SIN3A: variants seen among roughly 807,000 people sequenced by gnomAD.
SIN3A encodes the protein SIN3 transcription regulator family member A, also known as paired amphipathic helix protein Sin3a.
SIN3A carries 14 observed loss-of-function variants against 146.1 expected under a neutral mutation model. That is an observed-to-expected ratio of 0.10 (90% CI 0.06 to 0.15). The LOEUF (loss-of-function observed/expected upper bound fraction) is 0.15. Among genes scored for constraint, SIN3A ranks in the 10% least tolerant of loss-of-function variants. The pLI is 1.00. For synonymous variants in SIN3A, 572 were observed against 572.0 expected (o/e 1.00, Z 0.00); for missense variants, 1,028 against 1,576.0 (o/e 0.65, Z 5.89).
chr15:75,405,301 G>A (rs560516001), intron 9 of SIN3A, among the ~76,000 whole-genome samples: 2 of 151,470 alleles, frequency 1.3e-5, no homozygotes, highest in Admixed American at 1.3e-4. Flanking sequence ...AGGAGATGGA[G>A]GTTGCACTGA....
At chr15:75,372,616 G>C (rs899627617) in intron 20 of SIN3A, among the ~76,000 whole-genome samples, 3 of 152,062 alleles carry the variant, frequency 2.0e-5, no homozygotes, top group Non-Finnish European at 4.4e-5. Context: ...GAGCTCAGGA[G>C]TTTGAGACCA....
At chr15:75,433,223 T>C (rs891382061) in intron 1 of SIN3A, among the ~76,000 whole-genome samples, 4 of 152,154 alleles carry the variant, frequency 2.6e-5, no homozygotes, top group East Asian at 1.9e-4. Flanking sequence ...CCAAACTCTA[T>C]CTACCATGAA....
chr15:75,432,685 CAAAA>C (rs71440236), intron 1 of SIN3A, among the ~76,000 whole-genome samples: 1 of 84,886 alleles, frequency 1.2e-5, no homozygotes, highest in Non-Finnish European at 2.3e-5. Context: ...GACTCTGTCT[CAAAA>C]AAAAAAAAAA....
At position 75,424,128 on chromosome 15, in the gene SIN3A, G is replaced by A. The variant is rs556308989; in HGVS notation, c.190-1305C>T. On this transcript the variant is annotated intron_variant, in intron 2 of 20. Transcript: ENST00000394947. ...CCAATAAAAATAAATTACTATGAAA[G>A]TGAAATAAAAAATACATAAACCCGC... Among the ~76,000 whole-genome samples the A allele has an allele frequency of 1.1e-4, 17 of 152,106 alleles. No homozygotes were observed. In the East Asian group the frequency reaches 2.9e-3, roughly 26 times the overall value.
intron 2 of SIN3A, among the ~76,000 whole-genome samples, chr15:75,425,343 G>T (rs1204462415): frequency 6.6e-6 from 1 of 152,090 alleles, no homozygotes; most frequent in South Asian, 2.1e-4. Flanking sequence ...GCTAATTTTT[G>T]TATTTTTAGT....
Position 75,385,158 on chromosome 15 carries a change from G to T in SIN3A, c.3022-721C>A, listed in dbSNP as rs565277293. On this transcript the variant is annotated intron_variant, in intron 16 of 20. Coordinates refer to ENST00000394947, the MANE Select transcript of SIN3A (RefSeq NM_001145358.2). ...ACTGCAAAGCTCACCGTGAGCTGGG[G>T]TGAGGAAGGGAGCCTTGGAGAATCA... Among the ~76,000 whole-genome samples the T allele has an allele frequency of 3.9e-5, 6 of 152,302 alleles. No individual in the cohort carries two copies. In the South Asian group the frequency reaches 1.2e-3, roughly 32 times the overall value.
chr15:75,390,359 G>C (rs1253594050), intron 15 of SIN3A, among the ~76,000 whole-genome samples: 1 of 152,220 alleles, frequency 6.6e-6, no homozygotes, highest in African/African-American at 2.4e-5. Flanking sequence ...ATCTGCATTT[G>C]TCAAAGTCCT....
intron 19 of SIN3A, 105 bp downstream of exon 19, chr15:75,380,524 C>G (rs1288609193): frequency 1.2e-6 from 1 of 855,120 alleles, no homozygotes; most frequent in African/African-American, 1.7e-5. Flanking sequence ...GCAGATAGAA[C>G]AAATGAATAA....
intron 1 of SIN3A, among the ~76,000 whole-genome samples, chr15:75,438,134 G>A (rs1265371383): frequency 6.6e-6 from 1 of 152,188 alleles, no homozygotes; most frequent in Non-Finnish European, 1.5e-5. Context: ...GCTGAGGCAG[G>A]CGGATCACTT....
intron 15 of SIN3A, 106 bp downstream of exon 15, chr15:75,392,135 AC>A (rs1284671294): frequency 1.0e-6 from 1 of 979,676 alleles, no homozygotes; most frequent in African/African-American, 1.6e-5. Flanking sequence ...AACTACACAG[AC>A]TCTAATGCCT....
intron 1 of SIN3A, among the ~76,000 whole-genome samples, chr15:75,431,835 C>T (rs2074018646): frequency 1.3e-5 from 2 of 152,190 alleles, no homozygotes; most frequent in Non-Finnish European, 2.9e-5. Context: ...GCTCTGAAAT[C>T]CTGTCTCAGG....
At chr15:75,393,303 C>T (rs1352099260) in intron 14 of SIN3A, among the ~76,000 whole-genome samples, 2 of 152,132 alleles carry the variant, frequency 1.3e-5, no homozygotes, top group Admixed American at 6.5e-5. Context: ...ATGACAGAGA[C>T]GTGGTTTGAT....
chr15:75,440,939 G>A (rs1231061685), intron 1 of SIN3A, among the ~76,000 whole-genome samples: 1 of 137,684 alleles, frequency 7.3e-6, no homozygotes, highest in South Asian at 2.3e-4. Flanking sequence ...CTGAGATCGC[G>A]CCACTGCACT....
chr15:75,448,426 G>A (rs1239202485), intron 1 of SIN3A, among the ~76,000 whole-genome samples: 3 of 150,444 alleles, frequency 2.0e-5, no homozygotes, highest in Non-Finnish European at 3.0e-5. Context: ...CCCGGGAGGC[G>A]GAAGTTGCAG....
chr15:75,435,105 T>C (rs192768287), intron 1 of SIN3A, among the ~76,000 whole-genome samples: 1 of 152,166 alleles, frequency 6.6e-6, no homozygotes, highest in African/African-American at 2.4e-5. Context: ...TAAATGTGCA[T>C]ACCCATCCCA....
At chr15:75,390,857 T>G (rs1345717024) in intron 15 of SIN3A, among the ~76,000 whole-genome samples, 1 of 152,202 alleles carries the variant, frequency 6.6e-6, no homozygotes, top group Non-Finnish European at 1.5e-5. Flanking sequence ...ATTACAGGTG[T>G]AAGCCACTGC....
At chr15:75,427,639 AACAG>A (rs905556139) in intron 2 of SIN3A, among the ~76,000 whole-genome samples, 3 of 148,166 alleles carry the variant, frequency 2.0e-5, no homozygotes, top group African/African-American at 2.5e-5. Context: ...CAGCCTGGGC[AACAG>A]ACAGAGAGTC....
Position 75,380,701 on chromosome 15 carries a change from C to T in SIN3A, c.3311G>A (p.Arg1104Gln), listed in dbSNP as rs771313894. The T allele has an allele frequency of 1.1e-5, 18 of 1,613,770 alleles. No homozygotes were observed. The highest frequency in any genetic ancestry group is 1.6e-4 in the Middle Eastern group (1 of 6,082). The part of the protein sequence containing the change: ...EAERWSDYVE[R>Q]YMNSDTTSPE... ...CGAGGTAGTATCTGAATTCATGTAT[C>T]GCTCCACGTAGTCTGACCAGCGCTA... Residue 1104 changes from arginine (R) to glutamine (Q), a missense_variant, in exon 19 of 21, where the codon CGA (arginine) becomes CAA (glutamine). Arg to Gln is a conservative substitution (Grantham distance 43). Around this residue, in one of 9 missense-constraint regions of SIN3A, gnomAD observed 488 missense variants for 690.2 expected, o/e 0.71. Transcript: ENST00000394947.
At chr15:75,411,786 G>A (rs1342733802) in intron 5 of SIN3A, 43 bp from the exon 6 acceptor site, 3 of 1,523,322 alleles carry the variant, frequency 2.0e-6, no homozygotes, top group African/African-American at 2.8e-5. Flanking sequence ...ATGCATAGAT[G>A]AGTTGATACA....
Sources: allele counts gnomAD v4.1 joint callset (sites outside exome capture counted in the v4.1 genomes callset), GRCh38; gene constraint gnomAD v4.1.1; regional missense constraint gnomAD v4.1.1; transcripts MANE v1.5; gene names NCBI Gene and HGNC (gene_info 2026-07-23, HGNC 2026-07-21).